BAP1: variants seen among roughly 807,000 people sequenced by gnomAD.
The protein encoded by BAP1 is BRCA1 associated deubiquitinase 1.
A neutral mutation model predicts 77.2 loss-of-function variants in BAP1; 16 were observed. The ratio of observed to expected loss-of-function variants is 0.21; its 90% CI spans 0.14 to 0.31. The LOEUF (loss-of-function observed/expected upper bound fraction) is 0.31. BAP1 is among the 10% of genes least tolerant of loss of function. The probability of loss-of-function intolerance (pLI) is 1.00; values close to 1 mark genes in which losing one functional copy is unlikely to be tolerated. For missense variants in BAP1, 699 were observed against 967.3 expected (o/e 0.72, Z 3.68); for synonymous variants, 362 against 385.2 (o/e 0.94, Z 0.71).
Position 52,401,984 on chromosome 3 carries a change from T to C in BAP1, c.*304A>G, listed in dbSNP as rs1327017213. The C allele has an allele frequency of 1.9e-5, 10 of 528,896 alleles. No individual in the cohort carries two copies. The highest frequency in any genetic ancestry group is 9.5e-5 in the East Asian group (3 of 31,594). The allele number at this position is 528,896 out of a possible 1,614,324, so 32.8% of individuals were successfully genotyped here. On this transcript the variant is annotated 3_prime_UTR_variant, in exon 17 of 17. Transcript: ENST00000460680. ...ATAGATGTCTCTGATAGGTAAAATA[T>C]ATATTCTGCTGCCCAGGCAGAAGGG... is the stretch of plus-strand genomic sequence containing the variant.
At chr3:52,408,984 C>G (rs1157405507) in intron 3 of BAP1, among the ~76,000 whole-genome samples, 1 of 152,252 alleles carries the variant, frequency 6.6e-6, no homozygotes, top group East Asian at 1.9e-4. Flanking sequence ...CTCCTTCTCA[C>G]TTGTGGGCCC....
At position 52,409,625 on chromosome 3, in the gene BAP1, A is replaced by T. The variant is rs763915291; in HGVS notation, c.68-17T>A. The T allele has an allele frequency of 3.1e-6, 5 of 1,614,210 alleles. No individual in the cohort carries two copies. The Admixed American group carries it at 8.3e-5, about 27-fold the overall frequency. ...CCTTGACACCTGCGATGAGGAAAGGAAAGCAGTAGGGAAGGACAGCCCCTG... is the reference window on the plus strand; with the variant it reads ...CCTTGACACCTGCGATGAGGAAAGGTAAGCAGTAGGGAAGGACAGCCCCTG... On this transcript the variant is annotated splice_polypyrimidine_tract_variant and intron_variant, in intron 2 of 16. Transcript: ENST00000460680.
Position 52,406,860 on chromosome 3 carries a change from T to G in BAP1, c.628A>C (p.Ile210Leu), listed in dbSNP as rs1705177017. Reference sequence around the variant, plus strand: ...GTGGCGAGGCCGATACGCTCCATGATGACCCGCCGGGCCTTGTCTGTCCAC... The same window carrying G: ...GTGGCGAGGCCGATACGCTCCATGAGGACCCGCCGGGCCTTGTCTGTCCAC... ...EEWTDKARRV[I>L]MERIGLATAG... Residue 210 changes from isoleucine (I) to leucine (L), a missense_variant, in exon 8 of 17, where the codon ATC becomes CTC. Ile to Leu is a conservative substitution (Grantham distance 5). Around this residue, in one of 3 missense-constraint regions of BAP1, gnomAD observed 160 missense variants for 322.8 expected, o/e 0.50. Transcript: ENST00000460680. The surrounding 1 kb of genome is among the most constrained non-coding windows in gnomAD (Gnocchi z 4.6). 6.4e-7 allele frequency: 1 copy of G among 1,564,322 alleles called. No individual in the cohort carries two copies. Among genetic ancestry groups the G allele is most frequent in the Non-Finnish European group, 8.7e-7 (1 of 1,153,734 alleles).
At chr3:52,407,904 A>C in intron 5 of BAP1, 54 bp downstream of exon 5, 1 of 1,610,992 alleles carries the variant, frequency 6.2e-7, no homozygotes, top group East Asian at 2.2e-5. Flanking sequence ...AGTGGCCCTC[A>C]GGGTCAGATC....
chr3:52,404,618 G>A (rs1313542136), intron 11 of BAP1, 32 bp from the exon 12 acceptor site: 7 of 1,603,828 alleles, frequency 4.4e-6, no homozygotes, highest in Non-Finnish European at 6.0e-6. Flanking sequence ...TTACAAACAA[G>A]TGCTGCTCGG....
rs1331104781 is a variant in BAP1 at position 52,408,461 on chromosome 3, G to A, written c.255+13C>T. Reference sequence around the variant, plus strand: ...CATCCCACCCTCCAAACAAAGCACAGAGTCCAGCAGACCTGGTGGGCAAAG... The same window carrying A: ...CATCCCACCCTCCAAACAAAGCACAAAGTCCAGCAGACCTGGTGGGCAAAG... On this transcript the variant is annotated intron_variant, in intron 4 of 16. Coordinates refer to ENST00000460680, the MANE Select transcript of BAP1 (RefSeq NM_004656.4). The A allele has an allele frequency of 6.2e-7, 1 of 1,609,882 alleles. No individual in the cohort carries two copies. The highest frequency in any genetic ancestry group is 1.3e-5 in the African/African-American group (1 of 74,998).
rs1559585277 is a variant in BAP1, at chr3:52,402,762, C to A, written c.1983+17G>T. On this transcript the variant is annotated intron_variant, in intron 15 of 16. Coordinates refer to ENST00000460680, the MANE Select transcript of BAP1 (RefSeq NM_004656.4). The surrounding 1 kb of genome is among the most constrained non-coding windows in gnomAD (Gnocchi z 5.3). ...CCTCGGGAGAGGCCAGATCAGGCAACTGGAGAAATCACCCACCTTGAACTT... is the reference window on the plus strand; with the variant it reads ...CCTCGGGAGAGGCCAGATCAGGCAAATGGAGAAATCACCCACCTTGAACTT... The A allele has an allele frequency of 6.2e-7, 1 of 1,614,240 alleles. No individual in the cohort carries two copies. The highest frequency in any genetic ancestry group is 8.5e-7 in the Non-Finnish European group (1 of 1,180,042).
rs141802003 is a variant in BAP1 at position 52,409,623 on chromosome 3, G to T, written c.68-15C>A. On this transcript the variant is annotated splice_polypyrimidine_tract_variant and intron_variant, in intron 2 of 16. Coordinates refer to ENST00000460680, the MANE Select transcript of BAP1 (RefSeq NM_004656.4). ...CCCCTTGACACCTGCGATGAGGAAA[G>T]GAAAGCAGTAGGGAAGGACAGCCCC... is the stretch of plus-strand genomic sequence containing the variant. 14 of 1,614,208 alleles carry T rather than the reference G, an allele frequency of 8.7e-6. No individual in the cohort carries two copies. In the African/African-American group the frequency reaches 1.9e-4, roughly 22 times the overall value.
chr3:52,405,901 T>C lies in BAP1; in HGVS notation c.795A>G (p.Val265=), dbSNP rs1553645516. The C allele has an allele frequency of 3.7e-6, 6 of 1,614,126 alleles. No homozygotes were observed. The highest frequency in any genetic ancestry group is 5.1e-6 in the Non-Finnish European group (6 of 1,180,042). The change falls in exon 10 of 17, where the codon GTA becomes GTG. Residue 265 remains valine (V), a synonymous_variant. Coordinates refer to ENST00000460680, the MANE Select transcript of BAP1 (RefSeq NM_004656.4). ...GGGTCTGAATCAGCTCTGGCTGTGTTACTCTTATCAGCTAACAACAGAATC... is the reference window on the plus strand; with the variant it reads ...GGGTCTGAATCAGCTCTGGCTGTGTCACTCTTATCAGCTAACAACAGAATC... The part of the protein sequence containing the change: ...VLEALQQLIR[V]TQPELIQTHK...
Position 52,401,848 on chromosome 3 carries a change from C to T in BAP1, c.*440G>A, listed in dbSNP as rs564915243. ...CCAGCTAGGACCCTGTAGTTGGGAC[C>T]GTGGCATGATACAAGGACCTGGGCC... On this transcript the variant is annotated 3_prime_UTR_variant, in exon 17 of 17. Transcript: ENST00000460680. 4 of 294,528 alleles carry T rather than the reference C, an allele frequency of 1.4e-5. No homozygotes were observed. Among genetic ancestry groups the T allele is most frequent in the Admixed American group, 9.3e-5 (2 of 21,550 alleles). The allele number at this position is 294,528 out of a possible 1,614,324, so 18.2% of individuals were successfully genotyped here.
chr3:52,405,704 C>T, intron 10 of BAP1, 61 bp downstream of exon 10: 1 of 1,605,414 alleles, frequency 6.2e-7, no homozygotes, highest in Non-Finnish European at 8.5e-7. Context: ...GTTTAGGCCT[C>T]CCATGTCAGA....
chr3:52,405,492 G>GAA (rs71084182), intron 10 of BAP1, 198 bp from the exon 11 acceptor site: 1,261 of 80,780 alleles, frequency 0.016, 9 homozygotes, highest in South Asian at 0.042. Flanking sequence ...GAAGCAGGAA[G>GAA]AAAAAAAAAA....
At chr3:52,405,450 T>A in intron 10 of BAP1, 156 bp from the exon 11 acceptor site, 1 of 455,710 alleles carries the variant, frequency 2.2e-6, no homozygotes, top group South Asian at 2.0e-5. Context: ...GATCCCGCAA[T>A]GAGACAGGGC....
At chr3:52,408,646 G>C (rs2153228375) in intron 3 of BAP1, 40 bp from the exon 4 acceptor site, 1 of 1,593,884 alleles carries the variant, frequency 6.3e-7, no homozygotes, top group South Asian at 1.1e-5. Flanking sequence ...AGCCAAAGGG[G>C]AGAAGACAAT....
In BAP1 at chr3:52,402,364, C is replaced by T. The variant is rs1704984916; in HGVS notation, c.2114G>A (p.Ser705Asn). The change falls in exon 17 of 17, where the codon AGC becomes AAC. Residue 705 changes from serine (S) to asparagine (N), a missense_variant. Transcript: ENST00000460680. This position sits in a 1 kb window ranked among gnomAD's most constrained non-coding sequence, Gnocchi z 5.3. ...NISVRRRQGV[S>N]IGRLHKQRKP... The stretch of plus-strand genomic sequence containing the variant: ...CCGCTGCTTGTGGAGCCGGCCGATG[C>T]TGACCCCTTGGCGCCGCCGCACGGA... 6.3e-7 allele frequency: 1 copy of T among 1,580,524 alleles called. No homozygotes were observed.
Position 52,403,812 on chromosome 3 carries a change from T to C in BAP1, c.1333A>G (p.Ile445Val). ...TTGAGCTTCTCAGCCAAGACGTTGA[T>C]GGTGTTGGGCTGCAGCACTGACAGT... is the stretch of plus-strand genomic sequence containing the variant. ...GQLSVLQPNTINVLAEKLKES... is the reference protein window; with the variant it reads ...GQLSVLQPNTVNVLAEKLKES... The change falls in exon 13 of 17, where the codon ATC (isoleucine) becomes GTC (valine). Residue 445 changes from isoleucine to valine, a missense_variant. Ile to Val is a conservative substitution (Grantham distance 29). This residue lies in a region of BAP1 where 475 missense variants were observed against 532.4 expected (regional missense o/e 0.89). Coordinates refer to ENST00000460680, the MANE Select transcript of BAP1 (RefSeq NM_004656.4). The surrounding 1 kb of genome is among the most constrained non-coding windows in gnomAD (Gnocchi z 4.0). 1.2e-6 allele frequency: 2 copies of C among 1,614,108 alleles called. No homozygotes were observed. The highest frequency in any genetic ancestry group is 2.2e-5 in the East Asian group (1 of 44,882).
At chr3:52,408,848 C>T (rs1705253198) in intron 3 of BAP1, among the ~76,000 whole-genome samples, 1 of 152,194 alleles carries the variant, frequency 6.6e-6, no homozygotes, top group African/African-American at 2.4e-5. Context: ...AGGAGTCCAC[C>T]CAGTCTCCTT....
chr3:52,406,421 C>T lies in BAP1; in HGVS notation c.660-45G>A. On this transcript the variant is annotated intron_variant, in intron 8 of 16. Transcript: ENST00000460680. The surrounding 1 kb of genome is among the most constrained non-coding windows in gnomAD (Gnocchi z 4.6). ...CGTGAGAGCAGCTCCCGCCCCGGCC[C>T]CGCCATCAGGTTGAGGCAGATATCC... is the stretch of plus-strand genomic sequence containing the variant. The T allele has an allele frequency of 1.2e-6, 2 of 1,608,964 alleles. No homozygotes were observed. The highest frequency in any genetic ancestry group is 1.7e-6 in the Non-Finnish European group (2 of 1,179,818).
At position 52,406,975 on chromosome 3, in the gene BAP1, AG is replaced by A. The variant is rs1477107406; in HGVS notation, c.581-69del. The A allele has an allele frequency of 3.3e-6, 5 of 1,521,492 alleles. No individual in the cohort carries two copies. Among genetic ancestry groups the A allele is most frequent in the Middle Eastern group, 3.4e-4 (2 of 5,894 alleles). The allele number at this position is 1,521,492 out of a possible 1,614,324, so 94.2% of individuals were successfully genotyped here. A position where few individuals can be genotyped will look rare whatever the true frequency, so the allele number is the denominator to read the frequency against. On this transcript the variant is annotated intron_variant, in intron 7 of 16. Coordinates refer to ENST00000460680, the MANE Select transcript of BAP1 (RefSeq NM_004656.4). This position sits in a 1 kb window ranked among gnomAD's most constrained non-coding sequence, Gnocchi z 4.6. ...GAGTTTGGGCAGGCCAGGAGTGGGA[AG>A]GAAGACAGAGAAGAGCAGTTGAGCC...
Sources: gnomAD v4.1 joint callset for allele counts (sites outside exome capture counted in the v4.1 genomes callset) on GRCh38, gnomAD v4.1.1 for gene constraint, gnomAD v4.1.1 regional missense constraint, Gnocchi (gnomAD v3.1) non-coding constraint, MANE v1.5 for transcripts, NCBI Gene and HGNC (gene_info 2026-07-23, HGNC 2026-07-21) for gene names.